Variants in JAGN1 observed in about 807,000 individuals in gnomAD.
The protein encoded by JAGN1 is protein jagunal homolog 1.
A neutral mutation model predicts 17.1 loss-of-function variants in JAGN1; 13 were observed. The ratio of observed to expected loss-of-function variants is 0.76; its 90% CI spans 0.49 to 1.21. JAGN1 has a LOEUF of 1.21. JAGN1 is among the 50% of genes most tolerant of loss of function. The pLI, the probability that JAGN1 is intolerant of heterozygous loss-of-function variation, is 0.00. For missense variants in JAGN1, 256 were observed against 234.2 expected (o/e 1.09, Z -0.61); for synonymous variants, 111 against 91.0 (o/e 1.22, Z -1.25).
intron 1 of JAGN1, among the ~76,000 whole-genome samples, chr3:9,892,314 C>T (rs898486633): frequency 1.1e-4 from 16 of 151,792 alleles, no homozygotes; most frequent in African/African-American, 3.9e-4. Flanking sequence ...CCGCGCCCAG[C>T]CCTGCCTTTT....
intron 1 of JAGN1, among the ~76,000 whole-genome samples, chr3:9,891,522 G>C (rs2082562870): frequency 6.6e-6 from 1 of 150,676 alleles, no homozygotes; most frequent in Non-Finnish European, 1.5e-5. Flanking sequence ...TGCCTTCATG[G>C]AGCTTGAAGT....
At chr3:9,892,396 A>C (rs1463247387) in intron 1 of JAGN1, among the ~76,000 whole-genome samples, 2 of 149,530 alleles carry the variant, frequency 1.3e-5, no homozygotes, top group Admixed American at 1.3e-4. Context: ...GCTGGTCTCG[A>C]ACTCCTGGGC....
rs138937423 is a variant in JAGN1, at chr3:9,890,743, G to C, written c.21G>C (p.Pro7=). ...GCACAATGGCGTCTCGAGCAGGCCC[G>C]CGAGCGGCCGGCACCGACGGCAGCG... MASRAG[P]RAAGTDGSDF... The change falls in exon 1 of 2, where the codon CCG becomes CCC. Residue 7 remains proline (P), a synonymous_variant. Coordinates refer to ENST00000647897, the MANE Select transcript of JAGN1 (RefSeq NM_032492.4). 4.3e-3 allele frequency: 6,847 copies of C among 1,609,170 alleles called. 218 individuals are homozygous for C. The South Asian group carries it at 0.052, about 12-fold the overall frequency.
chr3:9,892,160 C>G (rs1335768473), intron 1 of JAGN1, among the ~76,000 whole-genome samples: 7 of 152,010 alleles, frequency 4.6e-5, no homozygotes, highest in African/African-American at 1.7e-4. Flanking sequence ...GGACTACAGG[C>G]GCCCGCCACC....
intron 1 of JAGN1, among the ~76,000 whole-genome samples, chr3:9,891,924 T>G (rs933228045): frequency 1.3e-5 from 2 of 152,202 alleles, no homozygotes; most frequent in African/African-American, 4.8e-5. Context: ...TGCCAATACC[T>G]TCTCCCGCCA....
intron 1 of JAGN1, chr3:9,892,700 T>G: frequency 9.1e-6 from 5 of 547,122 alleles, no homozygotes; most frequent in Non-Finnish European, 1.3e-5. Context: ...GCAGAGTTGA[T>G]TCCTCCTTCC....
chr3:9,890,716 A>C lies in JAGN1; in HGVS notation c.-7A>C, dbSNP rs2082556251. The C allele has an allele frequency of 6.2e-7, 1 of 1,605,822 alleles. No homozygotes were observed. The highest frequency in any genetic ancestry group is 8.5e-7 in the Non-Finnish European group (1 of 1,177,182). ...CGTGAGGGGTTCGGGGGTTCTGGGC[A>C]GGCACAATGGCGTCTCGAGCAGGCC... On this transcript the variant is annotated 5_prime_UTR_variant, in exon 1 of 2. Coordinates refer to ENST00000647897, the MANE Select transcript of JAGN1 (RefSeq NM_032492.4).
Position 9,892,938 on chromosome 3 carries a change from A to G in JAGN1, c.113A>G (p.Lys38Arg). 6.2e-7 allele frequency: 1 copy of G among 1,612,002 alleles called. No homozygotes were observed. Residue 38 changes from lysine (K) to arginine (R), a missense_variant, in exon 2 of 2, where the codon AAG (lysine) becomes AGG (arginine). By Grantham distance (26) the Lys-to-Arg change is conservative (BLOSUM62 2). Coordinates refer to ENST00000647897, the MANE Select transcript of JAGN1 (RefSeq NM_032492.4). ...AGTGTGACTCTCAAGTATGAAATCA[A>G]GAAGCTGATCTACGTACATCTGGTC... ...QMSVTLKYEIKKLIYVHLVIW... is the reference protein window; with the variant it reads ...QMSVTLKYEIRKLIYVHLVIW...
At chr3:9,891,922 C>T (rs1285693840) in intron 1 of JAGN1, among the ~76,000 whole-genome samples, 1 of 152,144 alleles carries the variant, frequency 6.6e-6, no homozygotes, top group South Asian at 2.1e-4. Flanking sequence ...TCTGCCAATA[C>T]CTTCTCCCGC....
chr3:9,890,930 C>A, intron 1 of JAGN1, 119 bp downstream of exon 1: 2 of 841,466 alleles, frequency 2.4e-6, no homozygotes, highest in Non-Finnish European at 3.7e-6. Context: ...GCTCACCTGC[C>A]AAGTCCCCTC....
chr3:9,891,219 C>G (rs2082560900), intron 1 of JAGN1, among the ~76,000 whole-genome samples: 1 of 152,230 alleles, frequency 6.6e-6, no homozygotes, highest in Admixed American at 6.5e-5. Flanking sequence ...AAGAAAGTAG[C>G]ATAAGGCCTA....
At position 9,893,788 on chromosome 3, in the gene JAGN1, AG is replaced by A. The variant is rs71696945; in HGVS notation, c.*413del. 88,344 of 185,942 alleles carry A rather than the reference AG, an allele frequency of 0.48. 22,229 individuals carry two copies. The highest frequency in any genetic ancestry group is 0.53 in the Non-Finnish European group (46,326 of 87,272). 11.5% of individuals were successfully genotyped at this position (185,942 alleles called of 1,614,324 possible). On this transcript the variant is annotated 3_prime_UTR_variant, in exon 2 of 2. Coordinates refer to ENST00000647897, the MANE Select transcript of JAGN1 (RefSeq NM_032492.4). ...ACATTTGGGCAGCTGCTCCCTTGGC[AG>A]GCTGTGGTCTCCTCTGCAAAGCATT... is the stretch of plus-strand genomic sequence containing the variant.
chr3:9,893,311 G>A lies in JAGN1; in HGVS notation c.486G>A (p.Gln162=). Residue 162 remains glutamine (Q), a synonymous_variant, in exon 2 of 2, where the codon CAG becomes CAA. Transcript: ENST00000647897. ...LVLAVQVHAW[Q]LYYSKKLLDS... ...TGGCAGTGCAAGTGCATGCCTGGCA[G>A]TTGTACTACAGCAAGAAGCTCCTAG... 1.9e-6 allele frequency: 3 copies of A among 1,614,218 alleles called. No individual in the cohort carries two copies. Among genetic ancestry groups the A allele is most frequent in the Non-Finnish European group, 2.5e-6 (3 of 1,180,038 alleles).
At position 9,893,464 on chromosome 3, in the gene JAGN1, A is replaced by T; in HGVS notation, c.*87A>T. The T allele has an allele frequency of 8.9e-7, 1 of 1,122,802 alleles. No homozygotes were observed. Among genetic ancestry groups the T allele is most frequent in the Non-Finnish European group, 1.2e-6 (1 of 805,602 alleles). The allele number at this position is 1,122,802 out of a possible 1,614,324, so 69.6% of individuals were successfully genotyped here. ...CAAAATCCCTTCTGGTGATTTTAGC[A>T]GCTGTGATGTTGGTACCTGGTGCAG... On this transcript the variant is annotated 3_prime_UTR_variant, in exon 2 of 2. Transcript: ENST00000647897.
In JAGN1 at chr3:9,893,223, G is replaced by T. The variant is rs1330437077; in HGVS notation, c.398G>T (p.Gly133Val). 1.2e-6 allele frequency: 2 copies of T among 1,614,072 alleles called. No homozygotes were observed. Among genetic ancestry groups the T allele is most frequent in the African/African-American group, 2.7e-5 (2 of 74,924 alleles). Residue 133 changes from glycine to valine, a missense_variant, in exon 2 of 2, where the codon GGC (glycine) becomes GTC (valine). Coordinates refer to ENST00000647897, the MANE Select transcript of JAGN1 (RefSeq NM_032492.4). ...GCTGCACAGCAGCTCTACCGCCATG[G>T]CAAGGCCTACCGTTTCCTCTTTGGT... The part of the protein sequence containing the change: ...FPAAQQLYRH[G>V]KAYRFLFGFS...
rs779442557 is a variant in JAGN1, at chr3:9,893,305, C to T, written c.480C>T (p.Ala160=). ...LVLVLAVQVH[A]WQLYYSKKLL... ...TGGTGTTGGCAGTGCAAGTGCATGC[C>T]TGGCAGTTGTACTACAGCAAGAAGC... Residue 160 remains alanine (A), a synonymous_variant, in exon 2 of 2, where the codon GCC becomes GCT. Coordinates refer to ENST00000647897, the MANE Select transcript of JAGN1 (RefSeq NM_032492.4). The T allele has an allele frequency of 6.8e-6, 11 of 1,614,080 alleles. No individual in the cohort carries two copies. Among genetic ancestry groups the T allele is most frequent in the Middle Eastern group, 1.6e-4 (1 of 6,084 alleles).
Position 9,890,640 on chromosome 3 carries a change from G to A in JAGN1, c.-83G>A, listed in dbSNP as rs1171916408. On this transcript the variant is annotated 5_prime_UTR_variant, in exon 1 of 2. Transcript: ENST00000647897. ...CACGGAGCCGCGCGGCTGCGGGGGC[G>A]CAAATAGGGTCAGTGGGCCGCTTGG... 1.3e-5 allele frequency: 17 copies of A among 1,321,554 alleles called. No individual in the cohort carries two copies. In the East Asian group the frequency reaches 1.8e-4, roughly 14 times the overall value. 81.9% of individuals were successfully genotyped at this position (1,321,554 alleles called of 1,614,324 possible).
Position 9,890,703 on chromosome 3 carries a change from G to GGGGGTTCT in JAGN1, c.-16_-9dup, listed in dbSNP as rs767047328. 1.1e-4 allele frequency: 172 copies of GGGGGTTCT among 1,598,364 alleles called. No homozygotes were observed. Among genetic ancestry groups the GGGGGTTCT allele is most frequent in the Non-Finnish European group, 1.4e-4 (167 of 1,173,348 alleles). On this transcript the variant is annotated 5_prime_UTR_variant, in exon 1 of 2. Transcript: ENST00000647897. ...GGTACCAGGTCCGCGTGAGGGGTTC[G>GGGGGTTCT]GGGGTTCTGGGCAGGCACAATGGCG...
In JAGN1 at chr3:9,890,694, G is replaced by T; in HGVS notation, c.-29G>T. On this transcript the variant is annotated 5_prime_UTR_variant, in exon 1 of 2. Transcript: ENST00000647897. ...TGTCGTTGCGGTACCAGGTCCGCGT[G>T]AGGGGTTCGGGGGTTCTGGGCAGGC... The T allele has an allele frequency of 1.3e-6, 2 of 1,589,752 alleles. No homozygotes were observed. Among genetic ancestry groups the T allele is most frequent in the Non-Finnish European group, 1.7e-6 (2 of 1,167,722 alleles).
Sources: allele counts gnomAD v4.1 joint callset (sites outside exome capture counted in the v4.1 genomes callset), GRCh38; gene constraint gnomAD v4.1.1; transcripts MANE v1.5; gene names NCBI Gene and HGNC (gene_info 2026-07-23, HGNC 2026-07-21).